RGS12: variants seen among roughly 807,000 people sequenced by gnomAD.
RGS12 encodes the protein regulator of G-protein signaling 12.
Under a neutral mutation model 120.1 loss-of-function variants are expected in RGS12, and 66 were observed. The observed-to-expected ratio is 0.55, with a 90% CI of 0.45 to 0.67. RGS12 has a LOEUF of 0.67. Ranked by LOEUF, RGS12 falls within the 30% of genes least tolerant of loss-of-function variation. RGS12 has a pLI of 0.00. For synonymous variants in RGS12, 827 were observed against 804.7 expected (o/e 1.03, Z -0.47); for missense variants, 1,859 against 1,957.7 (o/e 0.95, Z 0.95).
At chr4:3,399,520 C>T (rs1197515759) in intron 4 of RGS12, among the ~76,000 whole-genome samples, 1 of 152,168 alleles carries the variant, frequency 6.6e-6, no homozygotes, top group Non-Finnish European at 1.5e-5. Context: ...GTCCTAAGTA[C>T]AGTTAGAGAC....
intron 15 of RGS12, 193 bp from the exon 16 acceptor site, chr4:3,428,365 T>C: frequency 1.3e-6 from 1 of 776,312 alleles, no homozygotes; most frequent in East Asian, 2.7e-5. Context: ...TCTTTTCTTC[T>C]GAGGTGGGAG....
chr4:3,367,834 G>T (rs139295044), intron 3 of RGS12, among the ~76,000 whole-genome samples: 1 of 152,302 alleles, frequency 6.6e-6, no homozygotes, highest in African/African-American at 2.4e-5. Flanking sequence ...AGGAGAACCC[G>T]GAGGCCCTGT....
chr4:3,424,595 C>T (rs768884318), intron 13 of RGS12, among the ~76,000 whole-genome samples: 5 of 152,178 alleles, frequency 3.3e-5, no homozygotes, highest in South Asian at 2.1e-4. Flanking sequence ...GCAGCGTGCT[C>T]GTGGCATGGT....
intron 3 of RGS12, among the ~76,000 whole-genome samples, chr4:3,371,681 C>T (rs1394907599): frequency 6.6e-6 from 1 of 152,186 alleles, no homozygotes; most frequent in East Asian, 1.9e-4. Flanking sequence ...GGGTGGGCGT[C>T]TCTGCTGCAG....
At chr4:3,383,741 C>T (rs1255594262) in intron 3 of RGS12, among the ~76,000 whole-genome samples, 1 of 152,224 alleles carries the variant, frequency 6.6e-6, no homozygotes, top group Non-Finnish European at 1.5e-5. Context: ...TAGAGCCTCC[C>T]AGAGGCTCTG....
chr4:3,320,299 G>A (rs1431543478), intron 2 of RGS12, among the ~76,000 whole-genome samples: 1 of 152,206 alleles, frequency 6.6e-6, no homozygotes, highest in African/African-American at 2.4e-5. Flanking sequence ...GAATAGGTGG[G>A]GTTGTGATGC....
At chr4:3,315,964 T>C in intron 1 of RGS12, 106 bp from the exon 2 acceptor site, 1 of 471,282 alleles carries the variant, frequency 2.1e-6, no homozygotes, top group East Asian at 3.3e-5. Flanking sequence ...AGGCTCTTTC[T>C]GTGGTGGTTT....
chr4:3,421,093 G>A (rs184230095), intron 10 of RGS12, among the ~76,000 whole-genome samples: 17 of 152,296 alleles, frequency 1.1e-4, no homozygotes, highest in East Asian at 1.9e-4. Flanking sequence ...CTGTCTCAGC[G>A]CGTGAGCATC....
chr4:3,379,658 C>T (rs1261151139), intron 3 of RGS12, among the ~76,000 whole-genome samples: 3 of 152,106 alleles, frequency 2.0e-5, no homozygotes, highest in Non-Finnish European at 4.4e-5. Context: ...GGGGAAGCAA[C>T]CATGTCCTTC....
At chr4:3,362,692 T>TGC (rs1715770491) in intron 3 of RGS12, among the ~76,000 whole-genome samples, 1 of 133,856 alleles carries the variant, frequency 7.5e-6, no homozygotes, top group African/African-American at 2.9e-5. Context: ...AGGGTGTGTG[T>TGC]GAGGGTGTGT....
intron 3 of RGS12, among the ~76,000 whole-genome samples, chr4:3,357,367 A>G (rs1486144746): frequency 6.6e-6 from 1 of 152,130 alleles, no homozygotes; most frequent in African/African-American, 2.4e-5. Context: ...TGGTGTACAA[A>G]GTTCTTAAAT....
intron 2 of RGS12, among the ~76,000 whole-genome samples, chr4:3,321,716 C>G (rs1725206269): frequency 6.6e-6 from 1 of 152,238 alleles, no homozygotes; most frequent in Non-Finnish European, 1.5e-5. Context: ...AGCTCCTCCC[C>G]CCAGTGGACT....
chr4:3,316,641 T>G lies in RGS12; in HGVS notation c.471T>G (p.Cys157Trp). The change falls in exon 2 of 18, where the codon TGT becomes TGG. Residue 157 changes from cysteine to tryptophan, a missense_variant. Around this residue, in one of 3 missense-constraint regions of RGS12, gnomAD observed 967 missense variants for 994.2 expected, o/e 0.97. Transcript: ENST00000336727. ...FNMIFENPSL[C>W]ASNSEPLKLK... Reference sequence around the variant, plus strand: ...TGATTTTTGAAAACCCGAGCCTTTGTGCGAGCAATTCAGAGCCCTTGAAAT... The same window carrying G: ...TGATTTTTGAAAACCCGAGCCTTTGGGCGAGCAATTCAGAGCCCTTGAAAT... The G allele has an allele frequency of 6.2e-7, 1 of 1,614,158 alleles. No homozygotes were observed. The highest frequency in any genetic ancestry group is 8.5e-7 in the Non-Finnish European group (1 of 1,180,040).
At chr4:3,386,468 T>C (rs1197802809) in intron 4 of RGS12, 31 bp downstream of exon 4, 3 of 1,582,836 alleles carry the variant, frequency 1.9e-6, no homozygotes, top group Non-Finnish European at 2.6e-6. Flanking sequence ...TATATATTTT[T>C]TATTTTTCAT....
intron 4 of RGS12, among the ~76,000 whole-genome samples, chr4:3,411,755 G>A (rs993620283): frequency 3.3e-5 from 5 of 152,288 alleles, no homozygotes; most frequent in African/African-American, 9.6e-5. Context: ...GCAGAACGGG[G>A]CACTTGCCAC....
intron 3 of RGS12, among the ~76,000 whole-genome samples, chr4:3,375,901 G>A (rs1460549681): frequency 6.6e-6 from 1 of 152,234 alleles, no homozygotes; most frequent in Non-Finnish European, 1.5e-5. Flanking sequence ...GGAAACCTGA[G>A]TCACGAATGT....
In RGS12 at chr4:3,428,173, A is replaced by C. The variant is rs747301815; in HGVS notation, c.3411+4A>C. 5 of 1,613,136 alleles carry C rather than the reference A, an allele frequency of 3.1e-6. No individual in the cohort carries two copies. Among genetic ancestry groups the C allele is most frequent in the Non-Finnish European group, 4.2e-6 (5 of 1,179,414 alleles). Reference sequence around the variant, plus strand: ...CTCCAGAAACCACTCGGCTACGGTAATTCCCCACCCTGGCCCACCCTGTGC... The same window carrying C: ...CTCCAGAAACCACTCGGCTACGGTACTTCCCCACCCTGGCCCACCCTGTGC... On this transcript the variant is annotated splice_donor_region_variant and intron_variant, in intron 15 of 17. Coordinates refer to ENST00000336727, the MANE Select transcript of RGS12 (RefSeq NM_001394154.1).
At chr4:3,371,743 G>A (rs1717016773) in intron 3 of RGS12, among the ~76,000 whole-genome samples, 1 of 152,186 alleles carries the variant, frequency 6.6e-6, no homozygotes, top group Non-Finnish European at 1.5e-5. Context: ...AAGCCTCTGG[G>A]GTCGGCAGAA....
intron 13 of RGS12, 172 bp downstream of exon 13, chr4:3,423,813 G>A: frequency 1.4e-6 from 1 of 730,486 alleles, no homozygotes; most frequent in Non-Finnish European, 2.2e-6. Context: ...TTCTCGTTCT[G>A]TGCAGTGGGA....
Sources: allele counts gnomAD v4.1 joint callset (sites outside exome capture counted in the v4.1 genomes callset), GRCh38; gene constraint gnomAD v4.1.1; regional missense constraint gnomAD v4.1.1; transcripts MANE v1.5; gene names NCBI Gene and HGNC (gene_info 2026-07-23, HGNC 2026-07-21).